The following FAF1 variants were observed in gnomAD, a reference collection of about 807,000 sequenced individuals.
FAF1 encodes FAS-associated factor 1.
A neutral mutation model predicts 92.5 loss-of-function variants in FAF1; 25 were observed. The ratio of observed to expected loss-of-function variants is 0.27; its 90% CI spans 0.20 to 0.38. The LOEUF (loss-of-function observed/expected upper bound fraction) is 0.38. Among genes scored for constraint, FAF1 ranks in the 10% least tolerant of loss-of-function variants. The pLI is 1.00. For synonymous variants in FAF1, 234 were observed against 273.2 expected (o/e 0.86, Z 1.42); for missense variants, 636 against 793.3 (o/e 0.80, Z 2.38).
At chr1:50,510,459 G>GA in intron 15 of FAF1, among the ~76,000 whole-genome samples, 1 of 152,090 alleles carries the variant, frequency 6.6e-6, no homozygotes, top group East Asian at 1.9e-4. Flanking sequence ...TAGAGGGGGG[G>GA]AAGCAAGGGA....
chr1:50,952,630 T>A (rs1258712517), intron 1 of FAF1, among the ~76,000 whole-genome samples: 1 of 150,942 alleles, frequency 6.6e-6, no homozygotes, highest in African/African-American at 2.5e-5. Context: ...GAGGAGCGCC[T>A]CTTCCCGGCC....
At chr1:50,846,784 G>T in intron 2 of FAF1, 1 of 698,616 alleles carries the variant, frequency 1.4e-6, no homozygotes, top group East Asian at 3.7e-5. Flanking sequence ...GAATGTGAAG[G>T]GATTGTCCCA....
intron 17 of FAF1, among the ~76,000 whole-genome samples, chr1:50,477,087 A>G (rs893655803): frequency 6.6e-6 from 1 of 152,236 alleles, no homozygotes; most frequent in Non-Finnish European, 1.5e-5. Context: ...ACAAGTATGG[A>G]TAAGAAATTA....
chr1:50,554,390 T>TATATATATATATATATATATATAGAG, intron 13 of FAF1, among the ~76,000 whole-genome samples: 1 of 93,704 alleles, frequency 1.1e-5, no homozygotes, highest in Non-Finnish European at 2.0e-5. Context: ...TATATATATA[T>TATATATATATATATATATATATAGAG]AGAGAGAGAG....
intron 3 of FAF1, among the ~76,000 whole-genome samples, chr1:50,796,125 GAATA>G (rs1388375299): frequency 1.3e-5 from 2 of 151,472 alleles, no homozygotes; most frequent in Non-Finnish European, 2.9e-5. Context: ...AGGGAATACA[GAATA>G]AATAGTGAAA....
intron 1 of FAF1, among the ~76,000 whole-genome samples, chr1:50,926,671 T>C (rs1645008547): frequency 6.6e-6 from 1 of 151,984 alleles, no homozygotes; most frequent in Non-Finnish European, 1.5e-5. Flanking sequence ...TATGAAAACA[T>C]CAGTTGTATC....
In FAF1 at chr1:50,724,296, T is replaced by TACACAC. The variant is rs974347882; in HGVS notation, c.551+14561_551+14566dup. ...ACATATACACACACACACACACACA[T>TACACAC]ACACACACACACACACACACACACA... On this transcript the variant is annotated intron_variant, in intron 6 of 18. Coordinates refer to ENST00000396153, the MANE Select transcript of FAF1 (RefSeq NM_007051.3). 3.8e-3 allele frequency among the ~76,000 whole-genome samples: 443 copies of TACACAC among 117,198 alleles called. 7 individuals carry two copies. The highest frequency in any genetic ancestry group is 0.016 in the East Asian group (66 of 4,148). 76.9% of individuals were successfully genotyped at this position (117,198 alleles called of 152,430 possible). A position where few individuals can be genotyped will look rare whatever the true frequency, so the allele number is the denominator to read the frequency against.
intron 8 of FAF1, among the ~76,000 whole-genome samples, chr1:50,628,365 T>C (rs377547832): frequency 3.0e-4 from 46 of 152,294 alleles, no homozygotes; most frequent in African/African-American, 1.1e-3. Flanking sequence ...GCTATCTGAT[T>C]TGAAACTGTA....
chr1:50,873,930 C>G (rs1048833606), intron 1 of FAF1, among the ~76,000 whole-genome samples: 2 of 152,218 alleles, frequency 1.3e-5, no homozygotes, highest in Non-Finnish European at 2.9e-5. Context: ...GGTCTTATAT[C>G]TCATCTCCAG....
chr1:50,621,940 C>A (rs191765220), intron 8 of FAF1, among the ~76,000 whole-genome samples: 37 of 152,090 alleles, frequency 2.4e-4, no homozygotes, highest in Non-Finnish European at 3.1e-4. Context: ...CCAAGGCAGG[C>A]GGATGGCCTG....
intron 13 of FAF1, among the ~76,000 whole-genome samples, chr1:50,559,070 G>C (rs993228635): frequency 1.8e-4 from 28 of 152,116 alleles, no homozygotes; most frequent in Non-Finnish European, 2.9e-5. Flanking sequence ...GACCTACAAG[G>C]TGAAACCCCA....
At chr1:50,761,497 A>C (rs1660325490) in intron 4 of FAF1, among the ~76,000 whole-genome samples, 1 of 152,258 alleles carries the variant, frequency 6.6e-6, no homozygotes, top group African/African-American at 2.4e-5. Flanking sequence ...ACCATGATCA[A>C]GTGGGCTTCA....
intron 2 of FAF1, among the ~76,000 whole-genome samples, chr1:50,837,912 T>A (rs1644223133): frequency 6.6e-6 from 1 of 152,032 alleles, no homozygotes. Context: ...CCCAGCTAAT[T>A]TTTTGTATTT....
At chr1:50,646,201 T>C (rs1382138496) in intron 8 of FAF1, among the ~76,000 whole-genome samples, 1 of 152,182 alleles carries the variant, frequency 6.6e-6, no homozygotes, top group Non-Finnish European at 1.5e-5. Flanking sequence ...ACTGGTTTGC[T>C]CAATTGCATT....
chr1:50,456,033 C>T (rs1022817591), intron 18 of FAF1, among the ~76,000 whole-genome samples: 3 of 152,024 alleles, frequency 2.0e-5, no homozygotes, highest in African/African-American at 7.3e-5. Flanking sequence ...TGAGATGGCA[C>T]CACTGCACTC....
chr1:50,908,873 C>T (rs1032491950), intron 1 of FAF1, among the ~76,000 whole-genome samples: 1 of 152,156 alleles, frequency 6.6e-6, no homozygotes, highest in African/African-American at 2.4e-5. Flanking sequence ...AGCCCATTTA[C>T]ATTTAAGGTT....
intron 2 of FAF1, among the ~76,000 whole-genome samples, chr1:50,833,908 T>A (rs1208883820): frequency 6.6e-6 from 1 of 152,248 alleles, no homozygotes; most frequent in Non-Finnish European, 1.5e-5. Flanking sequence ...CAGGCGCTCA[T>A]GAAACCACAT....
chr1:50,706,018 A>T (rs968661090), intron 6 of FAF1, 127 bp from the exon 7 acceptor site: 6 of 567,862 alleles, frequency 1.1e-5, no homozygotes, highest in Non-Finnish European at 1.9e-5. Context: ...CAATGTTATC[A>T]TATTTTCAGC....
At chr1:50,784,402 T>G (rs913505243) in intron 4 of FAF1, among the ~76,000 whole-genome samples, 4 of 152,080 alleles carry the variant, frequency 2.6e-5, no homozygotes, top group African/African-American at 4.8e-5. Context: ...ATACTAACAC[T>G]GAACAATCTG....
Sources: allele counts gnomAD v4.1 joint callset (sites outside exome capture counted in the v4.1 genomes callset), GRCh38; gene constraint gnomAD v4.1.1; transcripts MANE v1.5; gene names NCBI Gene and HGNC (gene_info 2026-07-23, HGNC 2026-07-21).